The following MARF1 variants were observed in gnomAD, a reference collection of about 807,000 sequenced individuals.
The protein encoded by MARF1 is limkain-b1.
A neutral mutation model predicts 168.2 loss-of-function variants in MARF1; 24 were observed. That is an observed-to-expected ratio of 0.14 (90% CI 0.10 to 0.20). The LOEUF (loss-of-function observed/expected upper bound fraction) is 0.20. Ranked by LOEUF, MARF1 falls within the 10% of genes least tolerant of loss-of-function variation. The pLI is 1.00. For synonymous variants in MARF1, 868 were observed against 822.4 expected (o/e 1.06, Z -0.95); for missense variants, 1,744 against 2,143.6 (o/e 0.81, Z 3.68).
At chr16:15,626,264 T>C (rs2151221951) in intron 7 of MARF1, among the ~76,000 whole-genome samples, 1 of 152,342 alleles carries the variant, frequency 6.6e-6, no homozygotes, top group South Asian at 2.1e-4. Context: ...AGGGGATTAA[T>C]TATAAATTAG....
chr16:15,612,372 A>G (rs2033646261), intron 17 of MARF1, among the ~76,000 whole-genome samples, 185 bp downstream of exon 17: 1 of 152,238 alleles, frequency 6.6e-6, no homozygotes, highest in Non-Finnish European at 1.5e-5. Flanking sequence ...ACTGGAAACT[A>G]GCAGCGTTCT....
At chr16:15,622,261 T>C (rs573669152) in intron 11 of MARF1, among the ~76,000 whole-genome samples, 42 of 151,968 alleles carry the variant, frequency 2.8e-4, no homozygotes, top group Non-Finnish European at 4.9e-4. Context: ...TTTAGCAAAA[T>C]TGCACCTAAA....
intron 16 of MARF1, among the ~76,000 whole-genome samples, chr16:15,614,254 G>A (rs9652608): frequency 0.17 from 26,136 of 151,240 alleles, 3,584 homozygotes; most frequent in African/African-American, 0.39. Context: ...AGGCTGAGGC[G>A]GGCGGATCAC....
Position 15,617,071 on chromosome 16 carries a change from C to T in MARF1, c.3058G>A (p.Gly1020Ser). 6.2e-7 allele frequency: 1 copy of T among 1,613,680 alleles called. No individual in the cohort carries two copies. Residue 1020 changes from glycine (G) to serine (S), a missense_variant, in exon 15 of 27, where the codon GGC becomes AGC. Coordinates refer to ENST00000396368, the MANE Select transcript of MARF1 (RefSeq NM_014647.4). ...GTTCACCTCAATAAAGGCACGGTGC[C>T]CTCGTGGGTCTGGAGAAGACTGTGA... ...QVHSLLQTHE[G>S]TVPLLSFPDC...
chr16:15,632,098 T>C (rs2035293847), intron 5 of MARF1, among the ~76,000 whole-genome samples: 1 of 152,336 alleles, frequency 6.6e-6, no homozygotes, highest in African/African-American at 2.4e-5. Context: ...AATCTCAACA[T>C]TGGTTCTTGA....
At chr16:15,616,896 A>T in intron 15 of MARF1, 156 bp downstream of exon 15, 2 of 1,055,068 alleles carry the variant, frequency 1.9e-6, no homozygotes, top group East Asian at 4.8e-5. Context: ...AAATTTTGTT[A>T]TGTGGTGCAT....
chr16:15,622,536 C>G (rs973036002), intron 11 of MARF1, among the ~76,000 whole-genome samples: 5 of 152,104 alleles, frequency 3.3e-5, no homozygotes, highest in Non-Finnish European at 7.4e-5. Flanking sequence ...GGACTACAGG[C>G]GTGCACCACC....
chr16:15,601,958 G>A (rs2032480804), intron 23 of MARF1, 33 bp downstream of exon 23: 1 of 1,567,834 alleles, frequency 6.4e-7, no homozygotes, highest in Non-Finnish European at 8.8e-7. Context: ...CTGTTCAGAA[G>A]ATGCTCTCCC....
chr16:15,621,636 G>C lies in MARF1; in HGVS notation c.2639+97C>G, dbSNP rs76498231. 5.8e-3 allele frequency: 6,661 copies of C among 1,146,382 alleles called. 279 individuals carry two copies. In the African/African-American group the frequency reaches 0.092, roughly 16 times the overall value. 71.0% of individuals were successfully genotyped at this position (1,146,382 alleles called of 1,614,324 possible). ...ATTATTCCACATGCAATCATCACAAGGGGGTGGGAATGTGATTGAATCTAT... is the reference window on the plus strand; with the variant it reads ...ATTATTCCACATGCAATCATCACAACGGGGTGGGAATGTGATTGAATCTAT... On this transcript the variant is annotated intron_variant, in intron 12 of 26. Coordinates refer to ENST00000396368, the MANE Select transcript of MARF1 (RefSeq NM_014647.4).
chr16:15,607,854 G>A (rs1232828141), intron 21 of MARF1, among the ~76,000 whole-genome samples: 1 of 152,130 alleles, frequency 6.6e-6, no homozygotes, highest in Non-Finnish European at 1.5e-5. Flanking sequence ...CTGCACCCTC[G>A]CTTGCTCCTA....
In MARF1 at chr16:15,612,605, T is replaced by C; in HGVS notation, c.3426A>G (p.Gly1142=). The change falls in exon 17 of 27, where the codon GGA becomes GGG. Residue 1142 remains glycine (G), a synonymous_variant. Coordinates refer to ENST00000396368, the MANE Select transcript of MARF1 (RefSeq NM_014647.4). ...CTAATAACTCAATCAGCTTGGAGTA[T>C]CCGTAGTCTGACACTCGGCACTGCT... ...FAKQCRVSDY[G]YSKLIELLEA... 1.2e-6 allele frequency: 2 copies of C among 1,614,174 alleles called. No individual in the cohort carries two copies. The highest frequency in any genetic ancestry group is 2.2e-5 in the South Asian group (2 of 91,088).
intron 22 of MARF1, among the ~76,000 whole-genome samples, chr16:15,603,608 T>C (rs1007201027): frequency 6.6e-5 from 10 of 152,322 alleles, no homozygotes; most frequent in Non-Finnish European, 4.4e-5. Context: ...TTTATGGTAA[T>C]TGGTCTAATT....
chr16:15,604,256 T>A lies in MARF1; in HGVS notation c.4325A>T (p.Glu1442Val). 1 of 1,614,180 alleles carries A rather than the reference T, an allele frequency of 6.2e-7. No individual in the cohort carries two copies. The change falls in exon 22 of 27, where the codon GAA (glutamate) becomes GTA (valine). Residue 1442 changes from glutamate (E) to valine (V), a missense_variant. Physicochemically the swap from Glu to Val is moderately radical, Grantham distance 121. Transcript: ENST00000396368. ...LSVEELKRHY[E>V]STHNTPLNPC... ...GTTAAGGGGAGTGTTGTGGGTACTT[T>A]CGTAATGTCTCTTGAGCTCCTCAAC...
intron 6 of MARF1, among the ~76,000 whole-genome samples, chr16:15,630,888 T>C (rs1443089394): frequency 2.0e-5 from 3 of 151,748 alleles, no homozygotes; most frequent in South Asian, 4.2e-4. Flanking sequence ...CCCAGCACTT[T>C]GGGAGGCCGA....
At chr16:15,597,027 A>T in intron 26 of MARF1, 90 bp from the exon 27 acceptor site, 1 of 1,386,182 alleles carries the variant, frequency 7.2e-7, no homozygotes, top group Non-Finnish European at 9.7e-7. Context: ...CTCAAAAGAT[A>T]ATAATAGTAA....
chr16:15,632,231 G>T (rs1377142265), intron 5 of MARF1, among the ~76,000 whole-genome samples: 2 of 152,150 alleles, frequency 1.3e-5, no homozygotes, highest in Non-Finnish European at 2.9e-5. Flanking sequence ...AGTTAAATTT[G>T]CTCTAATAGC....
chr16:15,638,884 CTACTGT>C (rs1444157448), intron 2 of MARF1, among the ~76,000 whole-genome samples, 200 bp downstream of exon 2: 2 of 152,172 alleles, frequency 1.3e-5, no homozygotes, highest in Admixed American at 6.5e-5. Context: ...TTCAAGGCAT[CTACTGT>C]TACTCAAAGT....
chr16:15,603,801 C>T (rs901058216), intron 22 of MARF1, among the ~76,000 whole-genome samples: 1 of 152,142 alleles, frequency 6.6e-6, no homozygotes, highest in Non-Finnish European at 1.5e-5. Context: ...TTTCTGCCCT[C>T]ACCTTACTCA....
intron 4 of MARF1, among the ~76,000 whole-genome samples, chr16:15,634,053 G>C (rs774664730): frequency 2.6e-4 from 40 of 152,166 alleles, no homozygotes; most frequent in Non-Finnish European, 5.4e-4. Flanking sequence ...TGTTTTTCAG[G>C]AGAAGACAAA....
Sources: allele counts gnomAD v4.1 joint callset (sites outside exome capture counted in the v4.1 genomes callset), GRCh38; gene constraint gnomAD v4.1.1; transcripts MANE v1.5; gene names NCBI Gene and HGNC (gene_info 2026-07-23, HGNC 2026-07-21).